Variants in KCNQ3 observed in about 807,000 individuals in gnomAD.
The protein encoded by KCNQ3 is potassium voltage-gated channel subfamily Q member 3.
In KCNQ3, 30 loss-of-function variants were observed where a neutral mutation model predicts 92.5. The ratio of observed to expected loss-of-function variants is 0.32; its 90% CI spans 0.24 to 0.44. KCNQ3 has a LOEUF of 0.44. Ranked by LOEUF, KCNQ3 falls within the 20% of genes least tolerant of loss-of-function variation. The pLI is 1.00. For missense variants in KCNQ3, 913 were observed against 1,140.3 expected (o/e 0.80, Z 2.87); for synonymous variants, 450 against 468.8 (o/e 0.96, Z 0.52).
intron 1 of KCNQ3, among the ~76,000 whole-genome samples, chr8:132,457,950 C>T (rs1821979102): frequency 6.6e-6 from 1 of 152,182 alleles, no homozygotes; most frequent in Non-Finnish European, 1.5e-5. Context: ...TGTGAGAGGG[C>T]CACCCTGCCT....
intron 7 of KCNQ3, among the ~76,000 whole-genome samples, chr8:132,171,145 G>A (rs1242172238): frequency 1.3e-5 from 2 of 152,196 alleles, no homozygotes; most frequent in Admixed American, 1.3e-4. Context: ...ATTTCTGGGT[G>A]CAAGAGAAAG....
chr8:132,182,281 T>A (rs1237046488), intron 3 of KCNQ3, among the ~76,000 whole-genome samples: 1 of 152,224 alleles, frequency 6.6e-6, no homozygotes, highest in Admixed American at 6.5e-5. Flanking sequence ...GTAAACACTA[T>A]GGTCTAAGAC....
chr8:132,180,035 C>T (rs1002450784), intron 4 of KCNQ3, 122 bp downstream of exon 4: 9 of 1,100,600 alleles, frequency 8.2e-6, no homozygotes, highest in Middle Eastern at 2.6e-4. Flanking sequence ...TCCTCTTTGT[C>T]GTTATCATCA....
intron 1 of KCNQ3, among the ~76,000 whole-genome samples, chr8:132,363,987 A>C (rs1388055975): frequency 6.6e-6 from 1 of 151,816 alleles, no homozygotes; most frequent in Non-Finnish European, 1.5e-5. Context: ...GTACCATTGA[A>C]GTTTGTGTTC....
intron 1 of KCNQ3, among the ~76,000 whole-genome samples, chr8:132,200,864 G>A (rs1827438111): frequency 6.6e-6 from 1 of 152,152 alleles, no homozygotes; most frequent in Non-Finnish European, 1.5e-5. Flanking sequence ...CCAGGTGCAT[G>A]TTTACAGATA....
intron 1 of KCNQ3, among the ~76,000 whole-genome samples, chr8:132,199,904 A>G (rs1026928464): frequency 7.4e-6 from 1 of 135,276 alleles, no homozygotes; most frequent in African/African-American, 3.0e-5. Context: ...AGCAAGACTC[A>G]GTCTCCAAAA....
intron 2 of KCNQ3, 27 bp from the exon 3 acceptor site, chr8:132,184,394 A>G (rs769189921): frequency 2.5e-5 from 41 of 1,613,098 alleles, no homozygotes; most frequent in East Asian, 1.6e-4. Context: ...ATGGAGAGGC[A>G]CTGATTAACC....
chr8:132,439,698 G>A (rs1821485796), intron 1 of KCNQ3, among the ~76,000 whole-genome samples: 1 of 152,130 alleles, frequency 6.6e-6, no homozygotes, highest in Non-Finnish European at 1.5e-5. Context: ...AAGGAGCCAT[G>A]AGCTGAGGAA....
At chr8:132,239,375 A>G (rs1205727447) in intron 1 of KCNQ3, among the ~76,000 whole-genome samples, 1 of 152,246 alleles carries the variant, frequency 6.6e-6, no homozygotes, top group African/African-American at 2.4e-5. Context: ...GATTGAGGAA[A>G]TTTAACACCT....
intron 8 of KCNQ3, among the ~76,000 whole-genome samples, 157 bp from the exon 9 acceptor site, chr8:132,163,651 C>T (rs547946651): frequency 2.3e-4 from 35 of 152,292 alleles, no homozygotes; most frequent in South Asian, 8.3e-4. Flanking sequence ...ATGAAGGAGG[C>T]GGGTTTACCC....
chr8:132,154,218 T>G (rs1214234784), intron 9 of KCNQ3, among the ~76,000 whole-genome samples: 1 of 102,418 alleles, frequency 9.8e-6, no homozygotes, highest in Non-Finnish European at 2.1e-5. Flanking sequence ...TTTTTTTTTT[T>G]TTTTTAGCCA....
chr8:132,419,842 G>A (rs1820918391), intron 1 of KCNQ3, among the ~76,000 whole-genome samples: 1 of 152,178 alleles, frequency 6.6e-6, no homozygotes, highest in South Asian at 2.1e-4. Flanking sequence ...ATTGAGCCCA[G>A]TACTGTCTTA....
At chr8:132,226,641 G>A (rs1404602485) in intron 1 of KCNQ3, among the ~76,000 whole-genome samples, 6 of 152,174 alleles carry the variant, frequency 3.9e-5, no homozygotes, top group Non-Finnish European at 8.8e-5. Flanking sequence ...GCAGAAGTAT[G>A]AAGAAAGGCA....
At chr8:132,210,097 C>A (rs1371233041) in intron 1 of KCNQ3, among the ~76,000 whole-genome samples, 1 of 152,192 alleles carries the variant, frequency 6.6e-6, no homozygotes. Flanking sequence ...ATTAAAATCA[C>A]CTGTGCACCT....
intron 1 of KCNQ3, among the ~76,000 whole-genome samples, chr8:132,187,933 ATGG>A (rs903854260): frequency 4.7e-5 from 7 of 148,110 alleles, no homozygotes; most frequent in African/African-American, 1.0e-4. Context: ...GGTGATAGTG[ATGG>A]TGGTGGTGGT....
intron 1 of KCNQ3, among the ~76,000 whole-genome samples, chr8:132,280,208 G>T (rs1370159870): frequency 6.6e-6 from 1 of 152,130 alleles, no homozygotes; most frequent in Non-Finnish European, 1.5e-5. Flanking sequence ...GATTGAAGGG[G>T]GTTAGCTACT....
chr8:132,289,933 C>T (rs1488347700), intron 1 of KCNQ3, among the ~76,000 whole-genome samples: 3 of 152,130 alleles, frequency 2.0e-5, no homozygotes, highest in Admixed American at 1.3e-4. Flanking sequence ...AGAGCTAAGT[C>T]CCAGTGACAC....
chr8:132,232,016 C>T (rs1003564769), intron 1 of KCNQ3, among the ~76,000 whole-genome samples: 2 of 152,158 alleles, frequency 1.3e-5, no homozygotes, highest in Non-Finnish European at 2.9e-5. Context: ...CCAGTAATTT[C>T]CAGGAGAGTT....
At chr8:132,382,880 A>T (rs1819791016) in intron 1 of KCNQ3, among the ~76,000 whole-genome samples, 1 of 152,160 alleles carries the variant, frequency 6.6e-6, no homozygotes, top group African/African-American at 2.4e-5. Context: ...CATTTGGCTA[A>T]GTTATTGACC....
Sources: allele counts gnomAD v4.1 joint callset (sites outside exome capture counted in the v4.1 genomes callset), GRCh38; gene constraint gnomAD v4.1.1; transcripts MANE v1.5; gene names NCBI Gene and HGNC (gene_info 2026-07-23, HGNC 2026-07-21).